PHLDB2: variants seen among roughly 807,000 people sequenced by gnomAD.
PHLDB2 encodes the protein pleckstrin homology like domain family B member 2, also known as pleckstrin homology-like domain family B member 2.
In PHLDB2, 71 loss-of-function variants were observed where a neutral mutation model predicts 123.6. That is an observed-to-expected ratio of 0.57 (90% CI 0.47 to 0.70). The LOEUF is 0.70. PHLDB2 is among the 30% of genes least tolerant of loss of function. The pLI is 0.00. For synonymous variants in PHLDB2, 547 were observed against 541.6 expected, an observed-to-expected ratio of 1.01 and a Z score of -0.14; for missense variants, 1,446 against 1,519.5, an observed-to-expected ratio of 0.95 and a Z score of 0.80.
At chr3:111,874,904 G>T (rs1231121148) in intron 1 of PHLDB2, among the ~76,000 whole-genome samples, 1 of 152,106 alleles carries the variant, frequency 6.6e-6, no homozygotes, top group African/African-American at 2.4e-5. Context: ...TGGAAGTAAG[G>T]TAGCTACATT....
At chr3:111,751,283 C>T (rs2059770971) in intron 1 of PHLDB2, among the ~76,000 whole-genome samples, 1 of 151,624 alleles carries the variant, frequency 6.6e-6, no homozygotes, top group Non-Finnish European at 1.5e-5. Flanking sequence ...GGGCTATGGC[C>T]CAATGCCTTT....
chr3:111,943,436 TAA>T (rs532739029), intron 8 of PHLDB2, among the ~76,000 whole-genome samples: 11 of 152,186 alleles, frequency 7.2e-5, no homozygotes, highest in East Asian at 3.9e-4. Context: ...GAACAAAATA[TAA>T]GAGTGAAAGT....
Position 111,967,727 on chromosome 3 carries a change from G to A in PHLDB2, c.3218G>A (p.Arg1073His), listed in dbSNP as rs760217569. The change falls in exon 15 of 18, where the codon CGC (arginine) becomes CAC (histidine). Residue 1073 changes from arginine to histidine, a missense_variant. By Grantham distance (29) the Arg-to-His change is conservative. This residue lies in a region of PHLDB2 where 594 missense variants were observed against 646.0 expected (regional missense o/e 0.92). Transcript: ENST00000431670. ...KKRALEEEKR[R>H]REILEKRLQE... Reference sequence around the variant, plus strand: ...CGAGCCCTGGAAGAAGAAAAACGACGCCGGGAAATCCTGGAAAAACGATTA... The same window carrying A: ...CGAGCCCTGGAAGAAGAAAAACGACACCGGGAAATCCTGGAAAAACGATTA... 23 of 1,612,568 alleles carry A rather than the reference G, an allele frequency of 1.4e-5. No individual in the cohort carries two copies. Among genetic ancestry groups the A allele is most frequent in the Non-Finnish European group, 1.9e-5 (22 of 1,179,496 alleles).
At chr3:111,966,777 ACTC>A (rs1473783258) in intron 14 of PHLDB2, 74 bp downstream of exon 14, 57 of 1,121,240 alleles carry the variant, frequency 5.1e-5, no homozygotes, top group African/African-American at 6.3e-5. Context: ...ATCAGACAAT[ACTC>A]CTCCTTAAGG....
intron 1 of PHLDB2, among the ~76,000 whole-genome samples, chr3:111,760,044 C>A (rs2108008136): frequency 6.6e-6 from 1 of 152,318 alleles, no homozygotes; most frequent in East Asian, 1.9e-4. Flanking sequence ...AATACTTATG[C>A]AAAAGCATTT....
At chr3:111,906,632 G>A (rs2067550875) in intron 2 of PHLDB2, among the ~76,000 whole-genome samples, 1 of 152,150 alleles carries the variant, frequency 6.6e-6, no homozygotes, top group South Asian at 2.1e-4. Context: ...ATCAATGACT[G>A]GTAAATGCTG....
At chr3:111,877,465 T>C (rs1190743700) in intron 1 of PHLDB2, among the ~76,000 whole-genome samples, 1 of 152,242 alleles carries the variant, frequency 6.6e-6, no homozygotes, top group Non-Finnish European at 1.5e-5. Context: ...TTCTGGATAT[T>C]AGCCCTTTGT....
At chr3:111,888,899 A>G (rs1228069302) in intron 2 of PHLDB2, among the ~76,000 whole-genome samples, 1 of 152,146 alleles carries the variant, frequency 6.6e-6, no homozygotes, top group African/African-American at 2.4e-5. Context: ...CAAATCTGCA[A>G]TTTTCTGTTT....
At chr3:111,868,534 T>C (rs1297292952) in intron 1 of PHLDB2, among the ~76,000 whole-genome samples, 1 of 152,218 alleles carries the variant, frequency 6.6e-6, no homozygotes, top group Non-Finnish European at 1.5e-5. Context: ...ATTGCATTTC[T>C]GTCTTTTTTT....
At chr3:111,796,649 T>A (rs2061172956) in intron 1 of PHLDB2, among the ~76,000 whole-genome samples, 1 of 152,186 alleles carries the variant, frequency 6.6e-6, no homozygotes, top group African/African-American at 2.4e-5. Flanking sequence ...TTTTTGTGCC[T>A]CAGTCACCTG....
chr3:111,845,643 G>T (rs578230132), intron 1 of PHLDB2, among the ~76,000 whole-genome samples: 1 of 152,254 alleles, frequency 6.6e-6, no homozygotes, highest in East Asian at 1.9e-4. Flanking sequence ...GTTTTACAGG[G>T]AAGATAGCAG....
At chr3:111,745,964 C>G (rs1437372979) in intron 1 of PHLDB2, among the ~76,000 whole-genome samples, 1 of 152,122 alleles carries the variant, frequency 6.6e-6, no homozygotes. Context: ...CACGAAGAAG[C>G]AGGAACAACA....
intron 2 of PHLDB2, among the ~76,000 whole-genome samples, chr3:111,852,794 C>A (rs893187638): frequency 5.3e-5 from 8 of 151,604 alleles, no homozygotes; most frequent in Admixed American, 2.0e-4. Context: ...ACACACACAC[C>A]ATCCTTTTCC....
At position 111,786,596 on chromosome 3, in the gene PHLDB2, T is replaced by C. The variant is rs139097249; in HGVS notation, c.-49+53893T>C. Among the ~76,000 whole-genome samples, 290 of 152,272 alleles carry C rather than the reference T, an allele frequency of 1.9e-3. 1 individual carries two copies. Among genetic ancestry groups the C allele is most frequent in the African/African-American group, 6.7e-3 (277 of 41,558 alleles). ...CTTTCAAAAATTTAAGTCTGAGTTC[T>C]GAAAAAGGCTTAAAGTGGGAGGATA... On this transcript the variant is annotated intron_variant, in intron 1 of 17. Transcript: ENST00000393923.
chr3:111,769,106 T>G (rs2060131059), intron 1 of PHLDB2, among the ~76,000 whole-genome samples: 1 of 152,196 alleles, frequency 6.6e-6, no homozygotes, highest in African/African-American at 2.4e-5. Flanking sequence ...AACAGAACTT[T>G]TATTTATCAA....
chr3:111,838,644 A>G (rs1010348524), intron 1 of PHLDB2, among the ~76,000 whole-genome samples: 1 of 152,180 alleles, frequency 6.6e-6, no homozygotes, highest in Non-Finnish European at 1.5e-5. Context: ...GCCCCACAGA[A>G]TTAGTGACAA....
At chr3:111,941,587 A>G (rs1241550847) in intron 8 of PHLDB2, among the ~76,000 whole-genome samples, 2 of 152,208 alleles carry the variant, frequency 1.3e-5, no homozygotes, top group Non-Finnish European at 2.9e-5. Flanking sequence ...CAGGCAGATC[A>G]CTTGAGGCCA....
intron 4 of PHLDB2, 54 bp downstream of exon 4, chr3:111,919,269 T>C: frequency 6.3e-7 from 1 of 1,583,940 alleles, no homozygotes; most frequent in East Asian, 2.2e-5. Context: ...CTTAAAAATA[T>C]TGCTACTTAT....
intron 1 of PHLDB2, among the ~76,000 whole-genome samples, chr3:111,822,317 G>GTGTA (rs1553734228): frequency 6.5e-4 from 96 of 147,888 alleles, no homozygotes; most frequent in Middle Eastern, 3.4e-3. Flanking sequence ...GTGTGTGTGT[G>GTGTA]TATATATATA....
Sources: allele counts gnomAD v4.1 joint callset (sites outside exome capture counted in the v4.1 genomes callset), GRCh38; gene constraint gnomAD v4.1.1; regional missense constraint gnomAD v4.1.1; transcripts MANE v1.5; gene names NCBI Gene and HGNC (gene_info 2026-07-23, HGNC 2026-07-21).